Variants in ZNF519 observed in about 807,000 individuals in gnomAD.
ZNF519 encodes the protein zinc finger protein 519.
A neutral mutation model predicts 7.4 loss-of-function variants in ZNF519; 7 were observed. The observed-to-expected ratio is 0.94, with a 90% CI of 0.54 to 1.77. ZNF519 has a LOEUF of 1.77. Among genes scored for constraint, ZNF519 ranks in the 40% most tolerant of loss-of-function variants. ZNF519 has a pLI of 0.00. For missense variants in ZNF519, 586 were observed against 623.1 expected (o/e 0.94, Z 0.63); for synonymous variants, 179 against 203.3 (o/e 0.88, Z 1.02).
At chr18:14,087,323 G>A (rs1440700683) in intron 2 of ZNF519, among the ~76,000 whole-genome samples, 2 of 152,154 alleles carry the variant, frequency 1.3e-5, no homozygotes, top group East Asian at 3.8e-4. Context: ...ATGTAGTACT[G>A]AAAGTCCTAG....
At chr18:14,125,435 C>T (rs1335640402) in intron 1 of ZNF519, among the ~76,000 whole-genome samples, 1 of 152,184 alleles carries the variant, frequency 6.6e-6, no homozygotes, top group Non-Finnish European at 1.5e-5. Context: ...GAGGTGGGTA[C>T]TAATTGTCCC....
intron 3 of ZNF519, among the ~76,000 whole-genome samples, chr18:14,078,953 C>A (rs2046059600): frequency 1.3e-5 from 2 of 152,072 alleles, no homozygotes; most frequent in African/African-American, 4.8e-5. Flanking sequence ...TGTACAAAAC[C>A]CAAAGCCAAT....
At chr18:14,132,157 G>A in intron 1 of ZNF519, 118 bp downstream of exon 1, 4 of 1,196,480 alleles carry the variant, frequency 3.3e-6, no homozygotes, top group Non-Finnish European at 5.0e-6. Flanking sequence ...CTGCACCGGA[G>A]GGGACTGAGG....
At chr18:14,108,821 T>A (rs1259800584) in intron 2 of ZNF519, among the ~76,000 whole-genome samples, 1 of 152,156 alleles carries the variant, frequency 6.6e-6, no homozygotes, top group Admixed American at 6.5e-5. Context: ...CTGGGCACAG[T>A]GGCTCATGCT....
chr18:14,076,542 A>T (rs2046048408), exon 5 of ZNF519: 1 of 152,206 alleles, frequency 6.6e-6, no homozygotes, highest in Non-Finnish European at 1.5e-5. Context: ...GGAGAAAATT[A>T]GTATTTGTGG....
Position 14,106,030 on chromosome 18 carries a change from T to G in ZNF519, c.510A>C (p.Lys170Asn). The G allele has an allele frequency of 6.3e-7, 1 of 1,580,286 alleles. No individual in the cohort carries two copies. The highest frequency in any genetic ancestry group is 8.6e-7 in the Non-Finnish European group (1 of 1,160,850). ...TTTCTAGAAAATGAGTACTATGATGTTTACTAATATTTGAGTCATGGTTAA... is the reference window on the plus strand; with the variant it reads ...TTTCTAGAAAATGAGTACTATGATGGTTACTAATATTTGAGTCATGGTTAA... Reference protein sequence around the residue: ...INFNHDSNISKHHSTHFLENY... With the variant: ...INFNHDSNISNHHSTHFLENY... Residue 170 changes from lysine (K) to asparagine (N), a missense_variant, in exon 3 of 3, where the codon AAA (lysine) becomes AAC (asparagine). Transcript: ENST00000590202.
At chr18:14,111,441 A>T (rs1350064971) in intron 2 of ZNF519, among the ~76,000 whole-genome samples, 2 of 146,410 alleles carry the variant, frequency 1.4e-5, no homozygotes, top group African/African-American at 5.0e-5. Flanking sequence ...CAGGAGAAGG[A>T]GGTTGCAGTG....
intron 2 of ZNF519, among the ~76,000 whole-genome samples, chr18:14,086,072 A>G (rs1345412878): frequency 3.9e-5 from 6 of 151,928 alleles, no homozygotes; most frequent in Non-Finnish European, 8.8e-5. Context: ...CCCTCTCTAA[A>G]CCCTGGGCAG....
chr18:14,096,641 G>C (rs148383450), downstream of ZNF519, among the ~76,000 whole-genome samples: 701 of 152,230 alleles, frequency 4.6e-3, 3 homozygotes, highest in Middle Eastern at 0.01. Context: ...TCAGTCTCCC[G>C]AGTAGCTAGG....
chr18:14,093,944 C>A (rs993950510), intron 2 of ZNF519, among the ~76,000 whole-genome samples: 30 of 152,214 alleles, frequency 2.0e-4, no homozygotes, highest in African/African-American at 5.8e-4. Flanking sequence ...AACGAGATAG[C>A]TTTCAGCTAA....
chr18:14,103,156 G>A lies in ZNF519; in HGVS notation c.*1761C>T, dbSNP rs1263866385. 3.9e-5 allele frequency: 6 copies of A among 152,016 alleles called. No individual in the cohort carries two copies. The highest frequency in any genetic ancestry group is 7.4e-5 in the Non-Finnish European group (5 of 67,962). 9.4% of individuals were successfully genotyped at this position (152,016 alleles called of 1,614,324 possible). A position where few individuals can be genotyped will look rare whatever the true frequency, so the allele number is the denominator to read the frequency against. On this transcript the variant is annotated 3_prime_UTR_variant, in exon 3 of 3. Transcript: ENST00000590202. Reference sequence around the variant, plus strand: ...CCAATGTAAATAATGGGCAGAAAAAGTGGGAAGATCAACAGGAAAACATAA... The same window carrying A: ...CCAATGTAAATAATGGGCAGAAAAAATGGGAAGATCAACAGGAAAACATAA...
intron 2 of ZNF519, among the ~76,000 whole-genome samples, chr18:14,116,700 C>T (rs996716940): frequency 6.6e-6 from 1 of 152,154 alleles, no homozygotes; most frequent in African/African-American, 2.4e-5. Flanking sequence ...TATAACTCTA[C>T]AATTTTTGGA....
At chr18:14,124,544 A>T in intron 1 of ZNF519, 68 bp from the exon 2 acceptor site, 2 of 1,550,348 alleles carry the variant, frequency 1.3e-6, no homozygotes, top group Non-Finnish European at 1.8e-6. Context: ...TAAAATAACT[A>T]GTTCTGACTT....
rs1385661929 is a variant in ZNF519 at position 14,106,090 on chromosome 18, C to T, written c.450G>A (p.Leu150=). ...IPMNKYQHKF[L]KSVFCNKNQI... The stretch of plus-strand genomic sequence containing the variant: ...GATTTTTATTACAAAAGACAGATTT[C>T]AAAAATTTATGTTGATATTTATTCA... The change falls in exon 3 of 3, where the codon TTG becomes TTA. Residue 150 remains leucine (L), a synonymous_variant. Transcript: ENST00000590202. 1 of 1,605,482 alleles carries T rather than the reference C, an allele frequency of 6.2e-7. No individual in the cohort carries two copies. The highest frequency in any genetic ancestry group is 2.2e-5 in the East Asian group (1 of 44,770).
Position 14,105,058 on chromosome 18 carries a change from G to A in ZNF519, c.1482C>T (p.Gly494=), listed in dbSNP as rs374339266. The stretch of plus-strand genomic sequence containing the variant: ...GGTGTGAGCTCCTGGTAAAAGCTTT[G>A]CCACATTCTTTACATTTGAAGAATT... ...GEKFFKCKEC[G]KAFTRSSHLT... is the part of the protein sequence containing the mutation. Residue 494 remains glycine (G), a synonymous_variant, in exon 3 of 3, where the codon GGC becomes GGT. Transcript: ENST00000590202. The A allele has an allele frequency of 7.4e-6, 12 of 1,611,740 alleles. No individual in the cohort carries two copies. Among genetic ancestry groups the A allele is most frequent in the Admixed American group, 3.3e-5 (2 of 59,732 alleles).
At chr18:14,088,677 CTTA>C (rs2046101511) in intron 2 of ZNF519, among the ~76,000 whole-genome samples, 1 of 151,250 alleles carries the variant, frequency 6.6e-6, no homozygotes, top group African/African-American at 2.5e-5. Flanking sequence ...GACAAATATA[CTTA>C]TAACTGCTTA....
chr18:14,126,627 T>C (rs1161134011), intron 1 of ZNF519, among the ~76,000 whole-genome samples: 1 of 152,234 alleles, frequency 6.6e-6, no homozygotes, highest in Non-Finnish European at 1.5e-5. Context: ...TCATCTCTTT[T>C]TCTAATGACA....
chr18:14,105,508 T>C lies in ZNF519; in HGVS notation c.1032A>G (p.Gly344=), dbSNP rs1447121655. The C allele has an allele frequency of 6.2e-7, 1 of 1,614,068 alleles. No homozygotes were observed. The highest frequency in any genetic ancestry group is 2.2e-5 in the East Asian group (1 of 44,876). ...ATTCTTCACATTTGAAAGCTCTCTC[T>C]CCAGTATGGATTCTCTGATGTTGAG... ...YLTQHQRIHT[G]ERAFKCEECG... The change falls in exon 3 of 3, where the codon GGA becomes GGG. Residue 344 remains glycine, a synonymous_variant. Transcript: ENST00000590202.
chr18:14,083,815 T>A (rs2046079190), intron 3 of ZNF519, among the ~76,000 whole-genome samples: 2 of 152,216 alleles, frequency 1.3e-5, no homozygotes, highest in African/African-American at 4.8e-5. Context: ...TTAATCTTTG[T>A]CCAGGATTTT....
Sources: allele counts gnomAD v4.1 joint callset (sites outside exome capture counted in the v4.1 genomes callset), GRCh38; gene constraint gnomAD v4.1.1; transcripts MANE v1.5; gene names NCBI Gene and HGNC (gene_info 2026-07-23, HGNC 2026-07-21).